Variants in KIF14 observed in about 807,000 individuals in gnomAD.
The protein encoded by KIF14 is kinesin family member 14.
Under a neutral mutation model 176.2 loss-of-function variants are expected in KIF14, and 98 were observed. That is an observed-to-expected ratio of 0.56 (90% confidence interval 0.47 to 0.66). The LOEUF is 0.66. KIF14 is among the 30% of genes least tolerant of loss of function. The probability of loss-of-function intolerance (pLI) is 0.00; values close to 1 mark genes in which losing one functional copy is unlikely to be tolerated. For synonymous variants in KIF14, 566 were observed against 632.2 expected, an observed-to-expected ratio of 0.90 and a Z score of 1.57; for missense variants, 1,751 against 1,920.4, an observed-to-expected ratio of 0.91 and a Z score of 1.65.
At chr1:200,578,378 AAGTAGTATAT>A (rs1658249477) in intron 21 of KIF14, among the ~76,000 whole-genome samples, 1 of 152,170 alleles carries the variant, frequency 6.6e-6, no homozygotes, top group Non-Finnish European at 1.5e-5. Context: ...ACAATGATCT[AAGTAGTATAT>A]AGTTCCATAT....
intron 27 of KIF14, among the ~76,000 whole-genome samples, chr1:200,556,951 C>G (rs925254461): frequency 7.9e-5 from 12 of 152,206 alleles, no homozygotes; most frequent in African/African-American, 2.9e-4. Flanking sequence ...GATTTAGTGA[C>G]AATATGAGCT....
chr1:200,559,308 A>G, intron 27 of KIF14, 22 bp downstream of exon 27: 1 of 1,506,796 alleles, frequency 6.6e-7, no homozygotes, highest in Non-Finnish European at 8.9e-7. Context: ...TACTGTACAG[A>G]ATATTCTTTT....
intron 14 of KIF14, among the ~76,000 whole-genome samples, chr1:200,596,571 T>C (rs1472980852): frequency 6.7e-6 from 1 of 148,568 alleles, no homozygotes; most frequent in East Asian, 2.0e-4. Flanking sequence ...CTTTTTTTTT[T>C]TTTTTTTTTT....
intron 18 of KIF14, among the ~76,000 whole-genome samples, chr1:200,588,490 C>T (rs1051440571): frequency 6.6e-6 from 1 of 152,140 alleles, no homozygotes; most frequent in African/African-American, 2.4e-5. Context: ...CCACCCGCCT[C>T]AGCCTCCCAA....
intron 18 of KIF14, 75 bp downstream of exon 18, chr1:200,589,142 C>CTA (rs1352640895): frequency 8.1e-7 from 1 of 1,234,330 alleles, no homozygotes; most frequent in Non-Finnish European, 1.1e-6. Context: ...GTCAACATAC[C>CTA]ATAAGCCACT....
At position 200,592,096 on chromosome 1, in the gene KIF14, T is replaced by G. The variant is rs777590630; in HGVS notation, c.2797A>C (p.Met933Leu). ...DFEFAKNELLMAQRSQLEAEI... is the reference protein window; with the variant it reads ...DFEFAKNELLLAQRSQLEAEI... ...CATACTTACTGTGATCTCTGTGCCA[T>G]GAGCAACTCATTTTTTGCAAATTCA... Residue 933 changes from methionine to leucine, a missense_variant, in exon 16 of 30, where the codon ATG becomes CTG. Met to Leu is a conservative substitution (Grantham distance 15). Coordinates refer to ENST00000367350, the MANE Select transcript of KIF14 (RefSeq NM_014875.3). The G allele has an allele frequency of 6.2e-7, 1 of 1,613,286 alleles. No homozygotes were observed. Among genetic ancestry groups the G allele is most frequent in the African/African-American group, 1.3e-5 (1 of 75,002 alleles).
chr1:200,617,548 G>A, intron 2 of KIF14, 64 bp downstream of exon 2: 1 of 1,471,078 alleles, frequency 6.8e-7, no homozygotes, highest in Non-Finnish European at 9.2e-7. Flanking sequence ...TCCAAAGGCA[G>A]AGAGGAATTA....
Position 200,615,602 on chromosome 1 carries a change from T to A in KIF14, c.1120A>T (p.Ile374Phe), listed in dbSNP as rs760235880. ...AAGACTACCTGGGATGCTTTTTCAATCTTCTCTCTTGAAAGAAGCACAAAG... is the reference window on the plus strand; with the variant it reads ...AAGACTACCTGGGATGCTTTTTCAAACTTCTCTCTTGAAAGAAGCACAAAG... ...RVRPFTKREK[I>F]EKASQVVFMS... Residue 374 changes from isoleucine (I) to phenylalanine (F), a missense_variant, in exon 3 of 30, where the codon ATT becomes TTT. Physicochemically the swap from Ile to Phe is conservative, Grantham distance 21. Coordinates refer to ENST00000367350, the MANE Select transcript of KIF14 (RefSeq NM_014875.3). 6.2e-7 allele frequency: 1 copy of A among 1,607,754 alleles called. No homozygotes were observed. The highest frequency in any genetic ancestry group is 8.5e-7 in the Non-Finnish European group (1 of 1,177,694).
intron 27 of KIF14, among the ~76,000 whole-genome samples, chr1:200,557,592 A>C (rs1182405052): frequency 6.6e-6 from 1 of 152,132 alleles, no homozygotes; most frequent in African/African-American, 2.4e-5. Context: ...CCCTGTTCTG[A>C]GATGGAGTTT....
In KIF14 at chr1:200,602,108, A is replaced by G. The variant is rs765151220; in HGVS notation, c.1980-40T>C. 2.6e-6 allele frequency: 4 copies of G among 1,544,688 alleles called. 1 individual carries two copies. The South Asian group carries it at 4.6e-5, about 18-fold the overall frequency. ...GTCATAAGACTTTGCTTCTACAACA[A>G]CTTAATAACAGTAATTATCTAGAAA... On this transcript the variant is annotated intron_variant, in intron 10 of 29. Coordinates refer to ENST00000367350, the MANE Select transcript of KIF14 (RefSeq NM_014875.3).
At chr1:200,589,900 G>A (rs866512867) in intron 17 of KIF14, among the ~76,000 whole-genome samples, 5 of 151,700 alleles carry the variant, frequency 3.3e-5, no homozygotes, top group East Asian at 1.9e-4. Flanking sequence ...TAATCTGCCC[G>A]CCTTGGCCTC....
chr1:200,585,842 C>T (rs940447119), intron 19 of KIF14, among the ~76,000 whole-genome samples: 4 of 152,064 alleles, frequency 2.6e-5, no homozygotes, highest in Admixed American at 6.6e-5. Flanking sequence ...AACACTGCTG[C>T]CTTGGAGGTT....
Position 200,605,323 on chromosome 1 carries a change from C to T in KIF14, c.1706G>A (p.Arg569Gln), listed in dbSNP as rs559519718. Residue 569 changes from arginine to glutamine, a missense_variant, in exon 8 of 30, where the codon CGA (arginine) becomes CAA (glutamine). Physicochemically the swap from Arg to Gln is conservative, Grantham distance 43. Coordinates refer to ENST00000367350, the MANE Select transcript of KIF14 (RefSeq NM_014875.3). ...CACCAGGGTGAAAACTGAATGAGAT[C>T]GGGAACTTTTATCATTCATACCAGT... ...AATGMNDKSS[R>Q]SHSVFTLVMT... 16 of 1,613,496 alleles carry T rather than the reference C, an allele frequency of 9.9e-6. No homozygotes were observed. Among genetic ancestry groups the T allele is most frequent in the East Asian group, 2.2e-5 (1 of 44,812 alleles).
intron 27 of KIF14, among the ~76,000 whole-genome samples, chr1:200,556,681 T>C (rs951884478): frequency 9.2e-5 from 14 of 152,264 alleles, no homozygotes; most frequent in Non-Finnish European, 1.9e-4. Flanking sequence ...ATTTCATCTA[T>C]ATTTTTCATT....
chr1:200,576,518 G>A (rs1447438814), intron 21 of KIF14, among the ~76,000 whole-genome samples: 1 of 151,136 alleles, frequency 6.6e-6, no homozygotes, highest in Non-Finnish European at 1.5e-5. Flanking sequence ...GTTAAACCTA[G>A]GGTAATTCAA....
At chr1:200,559,147 T>C (rs1211536075) in intron 27 of KIF14, among the ~76,000 whole-genome samples, 183 bp downstream of exon 27, 1 of 152,202 alleles carries the variant, frequency 6.6e-6, no homozygotes, top group African/African-American at 2.4e-5. Flanking sequence ...CAATAGAGGC[T>C]GCAGTGACTC....
intron 21 of KIF14, among the ~76,000 whole-genome samples, chr1:200,577,194 C>A (rs1658168158): frequency 6.6e-6 from 1 of 151,070 alleles, no homozygotes; most frequent in South Asian, 2.1e-4. Context: ...CATGGTGGCA[C>A]ATGCCTGTAA....
intron 15 of KIF14, among the ~76,000 whole-genome samples, chr1:200,593,210 A>G (rs1659142374): frequency 6.6e-6 from 1 of 152,226 alleles, no homozygotes; most frequent in South Asian, 2.1e-4. Flanking sequence ...ATCCTTCACT[A>G]TCTCTGAAAG....
At chr1:200,559,534 T>C in intron 26 of KIF14, 82 bp from the exon 27 acceptor site, 3 of 745,000 alleles carry the variant, frequency 4.0e-6, no homozygotes, top group Non-Finnish European at 5.7e-6. Flanking sequence ...TTATATATTT[T>C]AAATTATCAA....
Sources: gnomAD v4.1 joint callset for allele counts (sites outside exome capture counted in the v4.1 genomes callset) on GRCh38, gnomAD v4.1.1 for gene constraint, MANE v1.5 for transcripts, NCBI Gene and HGNC (gene_info 2026-07-23, HGNC 2026-07-21) for gene names.